Variants in TMEM171 observed in about 807,000 individuals in gnomAD.
The protein encoded by TMEM171 is transmembrane protein 171, also known as proline-rich protein PRP2.
A neutral mutation model predicts 19.1 loss-of-function variants in TMEM171; 16 were observed. That is an observed-to-expected ratio of 0.84 (90% CI 0.57 to 1.27). The LOEUF (loss-of-function observed/expected upper bound fraction) is 1.27, where lower values mean the gene tolerates loss of function less well. Ranked by LOEUF, TMEM171 falls within the 50% of genes most tolerant of loss-of-function variation. TMEM171 has a pLI of 0.00. For missense variants in TMEM171, 429 were observed against 412.7 expected, an observed-to-expected ratio of 1.04 and a Z score of -0.34; for synonymous variants, 153 against 163.4, an observed-to-expected ratio of 0.94 and a Z score of 0.48.
chr5:73,129,903 A>G (rs987415937), intron 3 of TMEM171, among the ~76,000 whole-genome samples: 1 of 152,218 alleles, frequency 6.6e-6, no homozygotes, highest in African/African-American at 2.4e-5. Context: ...TATCAGGTCA[A>G]TACCCACCCC....
At chr5:73,126,497 C>T (rs779570512) in intron 2 of TMEM171, among the ~76,000 whole-genome samples, 2 of 152,212 alleles carry the variant, frequency 1.3e-5, no homozygotes, top group Admixed American at 1.3e-4. Context: ...CCAATTGCCT[C>T]TGTGGTGTTT....
Position 73,123,357 on chromosome 5 carries a change from A to G in TMEM171, c.-17A>G. 1 of 1,590,088 alleles carries G rather than the reference A, an allele frequency of 6.3e-7. No homozygotes were observed. The highest frequency in any genetic ancestry group is 8.6e-7 in the Non-Finnish European group (1 of 1,164,130). On this transcript the variant is annotated 5_prime_UTR_variant, in exon 2 of 4. Coordinates refer to ENST00000454765, the MANE Select transcript of TMEM171 (RefSeq NM_173490.8). ...AACACATCCCACCCTGCCTCCGGGA[A>G]GGGGCCTCTCCTGGACATGTCTCCT...
rs1227010300 is a variant in TMEM171 at position 73,131,624 on chromosome 5, C to G, written c.869C>G (p.Ala290Gly). Residue 290 changes from alanine to glycine, a missense_variant, in exon 4 of 4, where the codon GCC becomes GGC. Coordinates refer to ENST00000454765, the MANE Select transcript of TMEM171 (RefSeq NM_173490.8). ...TCTGGGACGAATTCATCTTCTGAGG[C>G]CTCACACACTCCACATCTTCCATCT... is the stretch of plus-strand genomic sequence containing the variant. ...TISGTNSSSE[A>G]SHTPHLPSEL... 6.2e-7 allele frequency: 1 copy of G among 1,613,836 alleles called. No homozygotes were observed. Among genetic ancestry groups the G allele is most frequent in the Non-Finnish European group, 8.5e-7 (1 of 1,179,944 alleles).
At chr5:73,127,384 A>AAAAAAAAAAAAAAATATATATATATATAT in intron 2 of TMEM171, among the ~76,000 whole-genome samples, 15 of 81,672 alleles carry the variant, frequency 1.8e-4, no homozygotes, top group Non-Finnish European at 3.3e-4. Flanking sequence ...AAAAAAAAAA[A>AAAAAAAAAAAAAAATATATATATATATAT]ATATATATAT....
intron 1 of TMEM171, among the ~76,000 whole-genome samples, chr5:73,121,332 C>CT (rs1240983209): frequency 6.6e-6 from 1 of 152,124 alleles, no homozygotes; most frequent in Non-Finnish European, 1.5e-5. Flanking sequence ...AGCCGAGAAT[C>CT]ACCCTTCTCT....
chr5:73,123,611 CG>C lies in TMEM171; in HGVS notation c.241del (p.Ala81ArgfsTer40), dbSNP rs1744067567. 6.2e-7 allele frequency: 1 copy of C among 1,614,094 alleles called. No individual in the cohort carries two copies. Among genetic ancestry groups the C allele is most frequent in the African/African-American group, 1.3e-5 (1 of 74,934 alleles). ...GLGAVILARSRAQLQLRAGLQ... is the reference protein window; with the variant it reads ...GLGAVILARSXAQLQLRAGLQ... ...TGGGGCTGTGATCCTGGCCCGCTCC[CG>C]GGCGCAACTTCAGCTCCGTGCAGGG... On this transcript the variant is annotated frameshift_variant, in exon 2 of 4. Transcript: ENST00000454765. LOFTEE classifies it high-confidence loss of function.
intron 2 of TMEM171, among the ~76,000 whole-genome samples, chr5:73,125,298 A>G (rs1320702694): frequency 6.6e-6 from 1 of 152,194 alleles, no homozygotes; most frequent in East Asian, 1.9e-4. Flanking sequence ...GTGCTTTATC[A>G]TGTGCTCTTA....
At position 73,123,345 on chromosome 5, in the gene TMEM171, C is replaced by T. The variant is rs1744054249; in HGVS notation, c.-29C>T. ...TGGAGGGAAGAAAACACATCCCACC[C>T]TGCCTCCGGGAAGGGGCCTCTCCTG... On this transcript the variant is annotated 5_prime_UTR_variant, in exon 2 of 4. Coordinates refer to ENST00000454765, the MANE Select transcript of TMEM171 (RefSeq NM_173490.8). The T allele has an allele frequency of 5.1e-6, 8 of 1,580,138 alleles. No individual in the cohort carries two copies. In the East Asian group the frequency reaches 6.8e-5, roughly 13 times the overall value.
rs1743981866 is a variant in TMEM171, at chr5:73,120,701, G to A, written c.-69+5G>A. 3 of 983,802 alleles carry A rather than the reference G, an allele frequency of 3.0e-6. No individual in the cohort carries two copies. The highest frequency in any genetic ancestry group is 5.2e-4 in the Middle Eastern group (1 of 1,914). 60.9% of individuals were successfully genotyped at this position (983,802 alleles called of 1,614,324 possible). The stretch of plus-strand genomic sequence containing the variant: ...AGGCGCCGGACCCAGCTTCAGGTAA[G>A]CTGCCCCGGCCCGCGCGCCTGCGCC... On this transcript the variant is annotated splice_donor_5th_base_variant and intron_variant, in intron 1 of 3. Coordinates refer to ENST00000454765, the MANE Select transcript of TMEM171 (RefSeq NM_173490.8).
chr5:73,130,515 G>A (rs1263898785), intron 3 of TMEM171, among the ~76,000 whole-genome samples: 1 of 152,134 alleles, frequency 6.6e-6, no homozygotes, highest in African/African-American at 2.4e-5. Flanking sequence ...CGTGTTTAAG[G>A]AACTCCCTCT....
chr5:73,131,712 T>C lies in TMEM171; in HGVS notation c.957T>C (p.Ser319=), dbSNP rs1193658896. The C allele has an allele frequency of 3.1e-6, 5 of 1,612,276 alleles. No individual in the cohort carries two copies. The highest frequency in any genetic ancestry group is 4.2e-6 in the Non-Finnish European group (5 of 1,179,392). Residue 319 remains serine, a synonymous_variant, in exon 4 of 4, where the codon TCT becomes TCC. Transcript: ENST00000454765. ...NAAATFLPLS[S]EPSPP ...CAGCTACATTCTTGCCTCTATCTTCTGAGCCTTCCCCACCGTAAACTATGG... is the reference window on the plus strand; with the variant it reads ...CAGCTACATTCTTGCCTCTATCTTCCGAGCCTTCCCCACCGTAAACTATGG...
intron 3 of TMEM171, among the ~76,000 whole-genome samples, chr5:73,128,908 C>T (rs913090879): frequency 5.3e-5 from 8 of 152,060 alleles, no homozygotes; most frequent in African/African-American, 9.7e-5. Context: ...GCCTGGCCAA[C>T]GTGGCAAAAC....
rs953156608 is a variant in TMEM171, at chr5:73,124,103, C to G, written c.640+90C>G. The G allele has an allele frequency of 5.2e-6, 6 of 1,144,204 alleles. No individual in the cohort carries two copies. In the African/African-American group the frequency reaches 9.4e-5, roughly 18 times the overall value. 70.9% of individuals were successfully genotyped at this position (1,144,204 alleles called of 1,614,324 possible). On this transcript the variant is annotated intron_variant, in intron 2 of 3. Coordinates refer to ENST00000454765, the MANE Select transcript of TMEM171 (RefSeq NM_173490.8). ...TGCTCTTGGTTCTCGTCTGGATTCT[C>G]TTTCTCAATTCTTCCATCTCTCACA...
In TMEM171 at chr5:73,123,305, G is replaced by A. The variant is rs1348410555; in HGVS notation, c.-68-1G>A. The A allele has an allele frequency of 1.2e-5, 19 of 1,535,460 alleles. No individual in the cohort carries two copies. The highest frequency in any genetic ancestry group is 1.5e-5 in the Non-Finnish European group (17 of 1,140,138). On this transcript the variant is annotated splice_acceptor_variant, in intron 1 of 3. Coordinates refer to ENST00000454765, the MANE Select transcript of TMEM171 (RefSeq NM_173490.8). LOFTEE classifies it low-confidence loss of function (5UTR_SPLICE). ...AATTTGGTGTTTGGTTGTGTTTGCAGAGCTGCTGAAATCTTGGAGGGAAGA... is the reference window on the plus strand; with the variant it reads ...AATTTGGTGTTTGGTTGTGTTTGCAAAGCTGCTGAAATCTTGGAGGGAAGA...
intron 2 of TMEM171, among the ~76,000 whole-genome samples, chr5:73,125,552 A>G (rs1354470725): frequency 1.3e-5 from 2 of 152,220 alleles, no homozygotes; most frequent in Non-Finnish European, 2.9e-5. Context: ...TCCTTCACCA[A>G]GTGTTCCTGG....
At chr5:73,131,343 C>T (rs1332276326) in intron 3 of TMEM171, among the ~76,000 whole-genome samples, 195 bp from the exon 4 acceptor site, 1 of 151,984 alleles carries the variant, frequency 6.6e-6, no homozygotes, top group Non-Finnish European at 1.5e-5. Context: ...CTTAATGTTA[C>T]ACTCAGCTCT....
chr5:73,130,489 AC>A lies in TMEM171; in HGVS notation c.783-1047del, dbSNP rs372032430. 6.0e-3 allele frequency among the ~76,000 whole-genome samples: 921 copies of A among 152,232 alleles called. 4 individuals are homozygous for A. The highest frequency in any genetic ancestry group is 8.2e-3 in the Non-Finnish European group (555 of 68,004). ...GGTGCTCATTGCTGGGGATAGCACC[AC>A]CTTACCTTGTTATTCGTGTTTAAGG... is the stretch of plus-strand genomic sequence containing the variant. On this transcript the variant is annotated intron_variant, in intron 3 of 3. Coordinates refer to ENST00000454765, the MANE Select transcript of TMEM171 (RefSeq NM_173490.8).
rs373360645 is a variant in TMEM171, at chr5:73,123,826, C to T, written c.453C>T (p.Gly151=). The T allele has an allele frequency of 1.8e-5, 29 of 1,612,304 alleles. No homozygotes were observed. The highest frequency in any genetic ancestry group is 1.4e-4 in the South Asian group (13 of 90,796). Residue 151 remains glycine, a synonymous_variant, in exon 2 of 4, where the codon GGC becomes GGT. Coordinates refer to ENST00000454765, the MANE Select transcript of TMEM171 (RefSeq NM_173490.8). ...AQEPLNETDT[G]DSEPRMCGFL... ...AACCGCTAAACGAGACAGACACTGG[C>T]GACTCAGAGCCCCGGATGTGTGGGT...
chr5:73,125,153 G>C (rs1408463501), intron 2 of TMEM171, among the ~76,000 whole-genome samples: 1 of 152,176 alleles, frequency 6.6e-6, no homozygotes, highest in Non-Finnish European at 1.5e-5. Flanking sequence ...TGTAGAGCCA[G>C]GGTAGATGCT....
Sources: allele counts gnomAD v4.1 joint callset (sites outside exome capture counted in the v4.1 genomes callset), GRCh38; gene constraint gnomAD v4.1.1; transcripts MANE v1.5; gene names NCBI Gene and HGNC (gene_info 2026-07-23, HGNC 2026-07-21).